ARHGAP22: variants seen among roughly 807,000 people sequenced by gnomAD.
The protein encoded by ARHGAP22 is Rho GTPase activating protein 22, also known as rho GTPase-activating protein 22.
In ARHGAP22, 48 loss-of-function variants were observed where a neutral mutation model predicts 59.1. The observed-to-expected ratio is 0.81, with a 90% confidence interval of 0.64 to 1.03. The LOEUF is 1.03. Among genes scored for constraint, ARHGAP22 ranks in the 50% least tolerant of loss-of-function variants. The pLI is 0.00. For synonymous variants in ARHGAP22, 445 were observed against 416.4 expected, an observed-to-expected ratio of 1.07 and a Z score of -0.84; for missense variants, 1,015 against 958.7, an observed-to-expected ratio of 1.06 and a Z score of -0.78.
chr10:48,635,671 T>C (rs962184297), intron 1 of ARHGAP22, among the ~76,000 whole-genome samples: 56 of 152,220 alleles, frequency 3.7e-4, no homozygotes, highest in African/African-American at 1.2e-3. Flanking sequence ...GAAGTGAGTC[T>C]TGGGACAGCA....
chr10:48,654,672 TGG>T (rs1448433125), upstream of ARHGAP22, among the ~76,000 whole-genome samples: 1 of 11,046 alleles, frequency 9.1e-5, no homozygotes, highest in Non-Finnish European at 5.9e-3. Context: ...CCCGCTGGTG[TGG>T]TGTGTGTGTT....
chr10:48,534,005 C>T (rs1189047891), intron 3 of ARHGAP22, among the ~76,000 whole-genome samples: 1 of 152,186 alleles, frequency 6.6e-6, no homozygotes, highest in Non-Finnish European at 1.5e-5. Flanking sequence ...GGGGTCAGTC[C>T]CTGACAGAGC....
At chr10:48,489,733 T>TA (rs1330974271) in intron 3 of ARHGAP22, among the ~76,000 whole-genome samples, 1 of 146,574 alleles carries the variant, frequency 6.8e-6, no homozygotes. Context: ...GCTGCCTCTT[T>TA]TTTTTTTTTT....
At chr10:48,582,136 T>C (rs181869662) in intron 2 of ARHGAP22, among the ~76,000 whole-genome samples, 15 of 152,332 alleles carry the variant, frequency 9.8e-5, no homozygotes, top group Admixed American at 6.5e-4. Flanking sequence ...ATGGCTGGGA[T>C]GTGAACCAGG....
At chr10:48,628,868 C>G (rs1178919907) in intron 1 of ARHGAP22, among the ~76,000 whole-genome samples, 2 of 152,124 alleles carry the variant, frequency 1.3e-5, no homozygotes, top group Non-Finnish European at 2.9e-5. Flanking sequence ...ATCCATCAAC[C>G]TGGGGAGTCT....
the ARHGAP22 span, chr10:48,436,518 A>G: frequency 6.6e-6 from 1 of 152,220 alleles, no homozygotes; most frequent in Admixed American, 6.5e-5. Context: ...GAACTAGGAA[A>G]TGCATACTCA....
At chr10:48,461,064 T>C (rs1452839680) in intron 4 of ARHGAP22, among the ~76,000 whole-genome samples, 2 of 152,080 alleles carry the variant, frequency 1.3e-5, no homozygotes, top group Non-Finnish European at 2.9e-5. Context: ...ATAGTGCTGA[T>C]GGTTGCACGA....
intron 1 of ARHGAP22, among the ~76,000 whole-genome samples, chr10:48,615,026 T>C (rs1047835591): frequency 6.6e-6 from 1 of 152,258 alleles, no homozygotes; most frequent in South Asian, 2.1e-4. Context: ...GAGCAAAAAA[T>C]AGACTAACCT....
At chr10:48,523,828 A>C (rs2054059257) in intron 3 of ARHGAP22, among the ~76,000 whole-genome samples, 1 of 151,396 alleles carries the variant, frequency 6.6e-6, no homozygotes, top group African/African-American at 2.4e-5. Flanking sequence ...CCACTCCCAC[A>C]TGGGGACCGA....
At chr10:48,448,976 A>T (rs183951255) in intron 9 of ARHGAP22, among the ~76,000 whole-genome samples, 1 of 152,186 alleles carries the variant, frequency 6.6e-6, no homozygotes, top group Admixed American at 6.5e-5. Flanking sequence ...TCCCTGGTGG[A>T]GCTGGGACTA....
chr10:48,451,133 GGAA>G lies in ARHGAP22; in HGVS notation c.993_995del (p.Ser332del). The G allele has an allele frequency of 6.4e-7, 1 of 1,552,074 alleles. No individual in the cohort carries two copies. The highest frequency in any genetic ancestry group is 8.7e-7 in the Non-Finnish European group (1 of 1,147,704). On this transcript the variant is annotated inframe_deletion, in exon 9 of 10. Coordinates refer to ENST00000249601, the MANE Select transcript of ARHGAP22 (RefSeq NM_021226.4). ...GGACGGTCATCAGGTGCTGGACGAG[GGAA>G]GTGCCTGCCGGGAAGAGAGGCGGAG...
downstream of ARHGAP22, chr10:48,443,770 C>T (rs989783706): frequency 5.9e-5 from 9 of 152,126 alleles, no homozygotes; most frequent in Admixed American, 2.6e-4. Context: ...GGTTCCATTC[C>T]GAAATTCCTT....
intron 1 of ARHGAP22, among the ~76,000 whole-genome samples, chr10:48,632,197 C>T (rs572846476): frequency 3.4e-4 from 52 of 152,316 alleles, no homozygotes; most frequent in South Asian, 2.5e-3. Context: ...TTAGCTCCCA[C>T]TTACAAGTGA....
intron 4 of ARHGAP22, among the ~76,000 whole-genome samples, chr10:48,468,203 T>C (rs1458057823): frequency 6.6e-6 from 1 of 152,190 alleles, no homozygotes; most frequent in African/African-American, 2.4e-5. Context: ...CATTTGACCA[T>C]GGATGTGGTT....
At chr10:48,637,740 G>A (rs2061881063) in intron 1 of ARHGAP22, among the ~76,000 whole-genome samples, 1 of 152,100 alleles carries the variant, frequency 6.6e-6, no homozygotes, top group Admixed American at 6.6e-5. Context: ...AGTGAGACGG[G>A]ATGAAAAGAA....
intron 4 of ARHGAP22, among the ~76,000 whole-genome samples, chr10:48,462,179 G>T (rs2047198705): frequency 6.7e-6 from 1 of 149,886 alleles, no homozygotes; most frequent in Admixed American, 6.7e-5. Context: ...TGCTGGATGT[G>T]CGCTTATAAA....
chr10:48,479,845 T>A, intron 3 of ARHGAP22, 81 bp from the exon 4 acceptor site: 4 of 1,366,626 alleles, frequency 2.9e-6, no homozygotes, highest in Admixed American at 5.4e-5. Flanking sequence ...TCAGCATTAC[T>A]CCCTGTGGGA....
At chr10:48,463,032 A>G (rs895476024) in intron 4 of ARHGAP22, among the ~76,000 whole-genome samples, 1 of 152,246 alleles carries the variant, frequency 6.6e-6, no homozygotes, top group Non-Finnish European at 1.5e-5. Context: ...GATGTTTGAA[A>G]CATTTTTAAA....
chr10:48,458,182 C>T (rs1350214375), intron 5 of ARHGAP22, among the ~76,000 whole-genome samples: 2 of 152,122 alleles, frequency 1.3e-5, no homozygotes, highest in African/African-American at 4.8e-5. Flanking sequence ...CCAACATGCC[C>T]ACCATGGAGA....
Sources: allele counts gnomAD v4.1 joint callset (sites outside exome capture counted in the v4.1 genomes callset), GRCh38; gene constraint gnomAD v4.1.1; transcripts MANE v1.5; gene names NCBI Gene and HGNC (gene_info 2026-07-23, HGNC 2026-07-21).